CHST15: variants seen among roughly 807,000 people sequenced by gnomAD.
CHST15 encodes the protein carbohydrate sulfotransferase 15.
Under a neutral mutation model 53.6 loss-of-function variants are expected in CHST15, and 30 were observed. The ratio of observed to expected loss-of-function variants is 0.56; its 90% confidence interval spans 0.42 to 0.76. The LOEUF is 0.76. Among genes scored for constraint, CHST15 ranks in the 30% least tolerant of loss-of-function variants. CHST15 has a pLI of 0.00. For synonymous variants in CHST15, 296 were observed against 289.8 expected, an observed-to-expected ratio of 1.02 and a Z score of -0.22; for missense variants, 627 against 740.5, an observed-to-expected ratio of 0.85 and a Z score of 1.78.
Position 124,046,270 on chromosome 10 carries a change from G to T in CHST15, c.-58C>A. ...CGAGCCATGGGTGGGCCCCCCACGA[G>T]TCTGGATGTCCGCAAGTCGTGCTAG... On this transcript the variant is annotated 5_prime_UTR_variant, in exon 2 of 8. Transcript: ENST00000435907. The T allele has an allele frequency of 6.7e-7, 1 of 1,488,068 alleles. No individual in the cohort carries two copies. 92.2% of individuals were successfully genotyped at this position (1,488,068 alleles called of 1,614,324 possible).
intron 1 of CHST15, among the ~76,000 whole-genome samples, chr10:124,064,820 C>A (rs1948705384): frequency 6.6e-6 from 1 of 152,128 alleles, no homozygotes; most frequent in Non-Finnish European, 1.5e-5. Flanking sequence ...AGGCAAGGAC[C>A]CCTTCCCTGA....
At chr10:124,086,649 C>T (rs929287486) in intron 1 of CHST15, among the ~76,000 whole-genome samples, 4 of 142,026 alleles carry the variant, frequency 2.8e-5, no homozygotes, top group Middle Eastern at 3.5e-3. Context: ...TGGATTTCCA[C>T]CTGCCTTCCT....
At chr10:124,038,367 A>G (rs1360415072) in intron 5 of CHST15, 148 bp downstream of exon 5, 1 of 833,148 alleles carries the variant, frequency 1.2e-6, no homozygotes, top group Non-Finnish European at 1.8e-6. Context: ...CGGCCTCCCA[A>G]AGTGCTGGGA....
chr10:124,048,315 T>A (rs1948073506), intron 1 of CHST15, among the ~76,000 whole-genome samples: 3 of 152,302 alleles, frequency 2.0e-5, no homozygotes, highest in South Asian at 4.1e-4. Context: ...AAGTTGGAAG[T>A]ACCTAATTGG....
chr10:124,010,182 G>A lies in CHST15; in HGVS notation c.1653C>T (p.Leu551=), dbSNP rs750435817. The A allele has an allele frequency of 2.2e-5, 36 of 1,613,614 alleles. No individual in the cohort carries two copies. Among genetic ancestry groups the A allele is most frequent in the Non-Finnish European group, 3.1e-5 (36 of 1,180,040 alleles). The change falls in exon 8 of 8, where the codon CTC becomes CTT. Residue 551 remains leucine (L), a synonymous_variant. Coordinates refer to ENST00000435907, the MANE Select transcript of CHST15 (RefSeq NM_001270764.2). ...TCTTCCACGCAAACGCCTCATCCGC[G>A]AGGACCTGCGCCAGCCTAGCGTTGA... ...RPFNARLAQV[L]ADEAFAWKTT is the part of the protein sequence containing the mutation.
chr10:124,093,117 G>T (rs1038859320), intron 1 of CHST15, among the ~76,000 whole-genome samples: 1 of 152,272 alleles, frequency 6.6e-6, no homozygotes, highest in African/African-American at 2.4e-5. Context: ...CCCGGAGCGC[G>T]GCCAGGACCA....
At chr10:124,040,726 C>T (rs1296434311) in intron 4 of CHST15, among the ~76,000 whole-genome samples, 2 of 152,242 alleles carry the variant, frequency 1.3e-5, no homozygotes, top group African/African-American at 4.8e-5. Flanking sequence ...AAATGAACGG[C>T]CGCAAGGCAC....
At position 124,044,706 on chromosome 10, in the gene CHST15, G is replaced by A. The variant is rs780340462; in HGVS notation, c.760C>T (p.Pro254Ser). ...GGCTGCCCTATGATGTAGAAGTGCG[G>A]CAGGCAGCGCAGGCGGAAGTGCTTC... ...HGKHFRLRCL[P>S]HFYIIGQPKC... is the part of the protein sequence containing the mutation. The change falls in exon 3 of 8, where the codon CCG (proline) becomes TCG (serine). Residue 254 changes from proline (P) to serine (S), a missense_variant. Pro to Ser is a moderately conservative substitution (Grantham distance 74). Around this residue, in one of 3 missense-constraint regions of CHST15, gnomAD observed 161 missense variants for 117.2 expected, o/e 1.37. Transcript: ENST00000435907. 1 of 1,613,826 alleles carries A rather than the reference G, an allele frequency of 6.2e-7. No homozygotes were observed. The highest frequency in any genetic ancestry group is 2.2e-5 in the East Asian group (1 of 44,836).
At chr10:124,070,578 C>T (rs770418208) in intron 1 of CHST15, among the ~76,000 whole-genome samples, 4 of 152,050 alleles carry the variant, frequency 2.6e-5, no homozygotes, top group South Asian at 2.1e-4. Flanking sequence ...GGTTTCACCA[C>T]GTTGGCCAGG....
At chr10:124,059,654 C>T (rs1343409510) in intron 1 of CHST15, among the ~76,000 whole-genome samples, 9 of 152,152 alleles carry the variant, frequency 5.9e-5, no homozygotes, top group Admixed American at 1.3e-4. Flanking sequence ...CGTTCAAAAC[C>T]AACTGCAAAT....
intron 3 of CHST15, among the ~76,000 whole-genome samples, chr10:124,044,222 G>GA (rs1947867825): frequency 6.6e-6 from 1 of 151,706 alleles, no homozygotes; most frequent in Non-Finnish European, 1.5e-5. Context: ...ACAGAGCAGG[G>GA]AATAGCACAG....
chr10:124,070,794 C>G (rs1378022842), intron 1 of CHST15, among the ~76,000 whole-genome samples: 1 of 152,124 alleles, frequency 6.6e-6, no homozygotes. Flanking sequence ...GGGGAGGCTT[C>G]CAGAATCCAA....
At chr10:124,015,183 T>A (rs2133832354) in intron 6 of CHST15, among the ~76,000 whole-genome samples, 1 of 152,284 alleles carries the variant, frequency 6.6e-6, no homozygotes, top group South Asian at 2.1e-4. Context: ...ATATGCACCA[T>A]GAAGACAGGA....
At position 124,036,602 on chromosome 10, in the gene CHST15, G is replaced by A. The variant is rs1420489923; in HGVS notation, c.1190+1913C>T. Among the ~76,000 whole-genome samples the A allele has an allele frequency of 6.6e-6, 1 of 152,088 alleles. No individual in the cohort carries two copies. Among genetic ancestry groups the A allele is most frequent in the African/African-American group, 2.4e-5 (1 of 41,390 alleles). ...AGAGCAGACTTTAAAGCATGTTTCTGGGGGGCAACAATGCAAAGTGAAAGA... is the reference window on the plus strand; with the variant it reads ...AGAGCAGACTTTAAAGCATGTTTCTAGGGGGCAACAATGCAAAGTGAAAGA... On this transcript the variant is annotated intron_variant, in intron 5 of 7. Coordinates refer to ENST00000435907, the MANE Select transcript of CHST15 (RefSeq NM_001270764.2). This position sits in a 1 kb window ranked among gnomAD's most constrained non-coding sequence, Gnocchi z 5.1.
chr10:124,045,771 C>A lies in CHST15; in HGVS notation c.442G>T (p.Asp148Tyr), dbSNP rs759452827. Residue 148 changes from aspartate (D) to tyrosine (Y), a missense_variant, in exon 2 of 8, where the codon GAC (aspartate) becomes TAC (tyrosine). Transcript: ENST00000435907. The stretch of plus-strand genomic sequence containing the variant: ...ATAATTAATTTAATGCTTGGATAGT[C>A]CTTCATGTATGAAATATTATTTACA... ...SSVNNISYMK[D>Y]YPSIKLIINS... The A allele has an allele frequency of 1.2e-6, 2 of 1,614,016 alleles. No individual in the cohort carries two copies. Among genetic ancestry groups the A allele is most frequent in the African/African-American group, 1.3e-5 (1 of 74,882 alleles).
intron 1 of CHST15, among the ~76,000 whole-genome samples, chr10:124,087,226 C>T (rs1191613560): frequency 1.3e-5 from 2 of 152,168 alleles, no homozygotes; most frequent in African/African-American, 4.8e-5. Context: ...GGACAGCTAC[C>T]TACAGGGACA....
chr10:124,067,805 C>T (rs1361803941), intron 1 of CHST15, among the ~76,000 whole-genome samples: 2 of 151,980 alleles, frequency 1.3e-5, no homozygotes, highest in African/African-American at 2.4e-5. Flanking sequence ...TTAGTAGAGA[C>T]GGGGTTTCAC....
At chr10:124,039,503 A>T (rs1947654153) in intron 4 of CHST15, among the ~76,000 whole-genome samples, 1 of 152,266 alleles carries the variant, frequency 6.6e-6, no homozygotes, top group South Asian at 2.1e-4. Flanking sequence ...GGGCTTTGCC[A>T]CAGGGCTCAC....
intron 1 of CHST15, among the ~76,000 whole-genome samples, chr10:124,076,319 G>A (rs1263386761): frequency 1.3e-5 from 2 of 152,246 alleles, no homozygotes; most frequent in Non-Finnish European, 1.5e-5. Context: ...CCTTGTCCCT[G>A]TCTGTTCTGA....
Sources: gnomAD v4.1 joint callset for allele counts (sites outside exome capture counted in the v4.1 genomes callset) on GRCh38, gnomAD v4.1.1 for gene constraint, gnomAD v4.1.1 regional missense constraint, Gnocchi (gnomAD v3.1) non-coding constraint, MANE v1.5 for transcripts, NCBI Gene and HGNC (gene_info 2026-07-23, HGNC 2026-07-21) for gene names.